Variants in PLEKHA8 observed in about 807,000 individuals in gnomAD.
PLEKHA8 encodes the protein pleckstrin homology domain containing A8.
A neutral mutation model predicts 68.2 loss-of-function variants in PLEKHA8; 36 were observed. The observed-to-expected ratio is 0.53, with a 90% CI of 0.40 to 0.70. The LOEUF is 0.70. PLEKHA8 is among the 30% of genes least tolerant of loss of function. PLEKHA8 has a pLI of 0.00. For missense variants in PLEKHA8, 505 were observed against 615.4 expected, an observed-to-expected ratio of 0.82 and a Z score of 1.90; for synonymous variants, 211 against 216.1, an observed-to-expected ratio of 0.98 and a Z score of 0.20.
Position 30,117,883 on chromosome 7 carries a change from C to G in PLEKHA8, c.1363-11383C>G, listed in dbSNP as rs926272539. On this transcript the variant is annotated intron_variant, in intron 13 of 13. Coordinates refer to the PLEKHA8 transcript ENST00000396257. ...GAAGTATAACTACACAACTCTACTT[C>G]CTGTAGATTAAAGATTGCCAAGACT... is the stretch of plus-strand genomic sequence containing the variant. The G allele has an allele frequency of 6.8e-6, 6 of 878,030 alleles. No individual in the cohort carries two copies. In the African/African-American group the frequency reaches 8.5e-5, roughly 12 times the overall value. The allele number at this position is 878,030 out of a possible 1,614,324, so 54.4% of individuals were successfully genotyped here.
At chr7:30,111,161 C>T (rs1033083705) in intron 13 of PLEKHA8, among the ~76,000 whole-genome samples, 14 of 152,106 alleles carry the variant, frequency 9.2e-5, no homozygotes, top group Non-Finnish European at 1.5e-4. Flanking sequence ...ACCTCGGCCT[C>T]CCAAAGCACT....
chr7:30,034,758 C>G (rs1379920801), intron 1 of PLEKHA8, among the ~76,000 whole-genome samples: 1 of 152,132 alleles, frequency 6.6e-6, no homozygotes, highest in Non-Finnish European at 1.5e-5. Flanking sequence ...GAAATTCAAA[C>G]CCATGGTATG....
chr7:30,082,538 A>G lies in PLEKHA8; in HGVS notation c.*3751A>G, dbSNP rs1330691731. 6.1e-6 allele frequency: 6 copies of G among 985,398 alleles called. No homozygotes were observed. The highest frequency in any genetic ancestry group is 7.2e-6 in the Non-Finnish European group (6 of 829,920). 61.0% of individuals were successfully genotyped at this position (985,398 alleles called of 1,614,324 possible). A position where few individuals can be genotyped will look rare whatever the true frequency, so the allele number is the denominator to read the frequency against. ...ACATGACATGGGGCACCTAGGAAAG[A>G]TGATTATTAGAGGAGTGCAGCGGAA... On this transcript the variant is annotated 3_prime_UTR_variant, in exon 14 of 14. Transcript: ENST00000449726.
chr7:30,124,615 A>C (rs1057154616), intron 13 of PLEKHA8, among the ~76,000 whole-genome samples: 1 of 152,190 alleles, frequency 6.6e-6, no homozygotes, highest in African/African-American at 2.4e-5. Flanking sequence ...GTTATTCATT[A>C]CTTGCTGTGT....
At position 30,099,472 on chromosome 7, in the gene PLEKHA8, GA is replaced by G. The variant is rs1056134286; in HGVS notation, c.1362+25342del. Among the ~76,000 whole-genome samples the G allele has an allele frequency of 2.0e-5, 3 of 152,354 alleles. No homozygotes were observed. In the East Asian group the frequency reaches 5.8e-4, roughly 29 times the overall value. ...GAGTGCGGAGTATGTCCTTGTAGGTGAAGGCGAGGCACAAAGTCTCCCTTGA... is the reference window on the plus strand; with the variant it reads ...GAGTGCGGAGTATGTCCTTGTAGGTGAGGCGAGGCACAAAGTCTCCCTTGA... On this transcript the variant is annotated intron_variant, in intron 13 of 13. Coordinates refer to the PLEKHA8 transcript ENST00000396257.
At chr7:30,127,094 C>T (rs1042102338) in intron 13 of PLEKHA8, among the ~76,000 whole-genome samples, 4 of 152,212 alleles carry the variant, frequency 2.6e-5, no homozygotes, top group Admixed American at 1.3e-4. Flanking sequence ...CTCCTTCTTA[C>T]TAGGATATAA....
At chr7:30,061,233 A>C (rs1169366862) in intron 10 of PLEKHA8, among the ~76,000 whole-genome samples, 4 of 152,180 alleles carry the variant, frequency 2.6e-5, no homozygotes, top group Admixed American at 2.0e-4. Flanking sequence ...TAATGTCCAC[A>C]CTGATTCTGT....
intron 13 of PLEKHA8, among the ~76,000 whole-genome samples, chr7:30,075,730 A>G (rs1026896242): frequency 6.6e-6 from 1 of 152,184 alleles, no homozygotes; most frequent in Non-Finnish European, 1.5e-5. Flanking sequence ...TGTGGGGGGA[A>G]GGGTTCAGTA....
At position 30,084,162 on chromosome 7, in the gene PLEKHA8, A is replaced by G; in HGVS notation, c.*5375A>G. On this transcript the variant is annotated 3_prime_UTR_variant, in exon 14 of 14. Transcript: ENST00000449726. ...TAATAGACTTAACAAATTAATGTCT[A>G]CATAAAGAAGAAACATGATAGACCA... is the stretch of plus-strand genomic sequence containing the variant. 6.1e-6 allele frequency: 6 copies of G among 985,306 alleles called. No homozygotes were observed. The highest frequency in any genetic ancestry group is 1.7e-5 in the African/African-American group (1 of 57,376). The allele number at this position is 985,306 out of a possible 1,614,324, so 61.0% of individuals were successfully genotyped here. A position where few individuals can be genotyped will look rare whatever the true frequency, so the allele number is the denominator to read the frequency against.
downstream of PLEKHA8, among the ~76,000 whole-genome samples, chr7:30,093,767 C>T (rs900715597): frequency 2.0e-5 from 3 of 152,300 alleles, no homozygotes; most frequent in South Asian, 2.1e-4. Flanking sequence ...AGCTGCCTGC[C>T]GCATGCATGG....
At chr7:30,100,463 A>G (rs1795808540) in intron 13 of PLEKHA8, among the ~76,000 whole-genome samples, 2 of 151,448 alleles carry the variant, frequency 1.3e-5, no homozygotes, top group East Asian at 1.9e-4. Flanking sequence ...GAGGCAAGAG[A>G]ATCACTTGAA....
chr7:30,071,275 C>T (rs544489103), intron 12 of PLEKHA8, among the ~76,000 whole-genome samples: 2 of 152,272 alleles, frequency 1.3e-5, no homozygotes, highest in Non-Finnish European at 2.9e-5. Flanking sequence ...ACAATTTGGC[C>T]CAACCCAGTT....
intron 1 of PLEKHA8, among the ~76,000 whole-genome samples, chr7:30,035,737 C>T (rs942368448): frequency 1.1e-4 from 17 of 152,006 alleles, no homozygotes; most frequent in African/African-American, 2.9e-4. Flanking sequence ...CTTCGCCTCC[C>T]GGGTTCAAGC....
At chr7:30,104,234 AG>A (rs1795977910) in intron 13 of PLEKHA8, among the ~76,000 whole-genome samples, 1 of 152,234 alleles carries the variant, frequency 6.6e-6, no homozygotes, top group African/African-American at 2.4e-5. Flanking sequence ...ATATGTTGCT[AG>A]TTGGAGTCTT....
At chr7:30,091,477 A>T (rs1795414445), downstream of PLEKHA8, among the ~76,000 whole-genome samples, 2 of 149,158 alleles carry the variant, frequency 1.3e-5, no homozygotes, top group African/African-American at 4.9e-5. Flanking sequence ...ATCTCACTAC[A>T]TTTTTTTTTC....
downstream of PLEKHA8, among the ~76,000 whole-genome samples, chr7:30,093,203 C>T (rs1459949377): frequency 1.3e-5 from 2 of 152,194 alleles, no homozygotes; most frequent in South Asian, 2.1e-4. Flanking sequence ...AGCATCAGGA[C>T]ACTGGCTGTT....
chr7:30,072,297 C>T (rs914206677), intron 12 of PLEKHA8, among the ~76,000 whole-genome samples: 1 of 152,202 alleles, frequency 6.6e-6, no homozygotes, highest in African/African-American at 2.4e-5. Context: ...TTCTATTTCA[C>T]ATGTACAGTC....
chr7:30,090,328 T>C, exon 13 of PLEKHA8: 1 of 905,310 alleles, frequency 1.1e-6, no homozygotes, highest in Non-Finnish European at 1.6e-6. Flanking sequence ...TTTCCGAAGT[T>C]CTGAGTAGGA....
intron 12 of PLEKHA8, among the ~76,000 whole-genome samples, chr7:30,067,800 C>G (rs891292061): frequency 6.6e-6 from 1 of 152,188 alleles, no homozygotes; most frequent in South Asian, 2.1e-4. Context: ...GCTTGTAGTC[C>G]TGGCTCATTA....
Sources: allele counts gnomAD v4.1 joint callset (sites outside exome capture counted in the v4.1 genomes callset), GRCh38; gene constraint gnomAD v4.1.1; transcripts MANE v1.5; gene names NCBI Gene and HGNC (gene_info 2026-07-23, HGNC 2026-07-21).